NEDD9: variants seen among roughly 807,000 people sequenced by gnomAD.
The protein encoded by NEDD9 is enhancer of filamentation 1.
Under a neutral mutation model 76.6 loss-of-function variants are expected in NEDD9, and 26 were observed. That is an observed-to-expected ratio of 0.34 (90% CI 0.25 to 0.47). The LOEUF (loss-of-function observed/expected upper bound fraction) is 0.47. Among genes scored for constraint, NEDD9 ranks in the 20% least tolerant of loss-of-function variants. The probability of loss-of-function intolerance (pLI) is 1.00; values close to 1 mark genes in which losing one functional copy is unlikely to be tolerated. For synonymous variants in NEDD9, 392 were observed against 414.2 expected (o/e 0.95, Z 0.65); for missense variants, 937 against 1,058.5 (o/e 0.89, Z 1.59).
At chr6:11,304,886 C>T (rs1761139453) in intron 3 of NEDD9, among the ~76,000 whole-genome samples, 1 of 152,142 alleles carries the variant, frequency 6.6e-6, no homozygotes, top group African/African-American at 2.4e-5. Context: ...AGCAAACCCA[C>T]ATGGCACATG....
intron 2 of NEDD9, among the ~76,000 whole-genome samples, chr6:11,195,471 T>A (rs1202369183): frequency 6.8e-6 from 1 of 147,690 alleles, no homozygotes; most frequent in African/African-American, 2.5e-5. Flanking sequence ...TTTTTTTTTT[T>A]ACTCGCTATT....
intron 2 of NEDD9, chr6:11,199,829 G>A (rs894237726): frequency 2.5e-4 from 38 of 151,956 alleles, no homozygotes; most frequent in African/African-American, 8.3e-4. Context: ...GCCCGCCACC[G>A]TGCCCAGCTA....
At chr6:11,330,454 C>T (rs1444554856) in intron 2 of NEDD9, among the ~76,000 whole-genome samples, 1 of 152,050 alleles carries the variant, frequency 6.6e-6, no homozygotes, top group Non-Finnish European at 1.5e-5. Context: ...AGGGGGTAAG[C>T]TTGGGGAGGG....
At chr6:11,274,554 C>T (rs2113347336) in intron 3 of NEDD9, among the ~76,000 whole-genome samples, 2 of 152,338 alleles carry the variant, frequency 1.3e-5, no homozygotes, top group South Asian at 2.1e-4. Flanking sequence ...TAATCCACTT[C>T]TGGGCCTGCT....
intron 1 of NEDD9, among the ~76,000 whole-genome samples, chr6:11,228,443 T>C (rs1759372586): frequency 1.3e-5 from 2 of 151,970 alleles, no homozygotes; most frequent in African/African-American, 4.8e-5. Context: ...GACAGGAGAA[T>C]CACTTGAACC....
intron 1 of NEDD9, among the ~76,000 whole-genome samples, chr6:11,215,777 T>C (rs2113763186): frequency 6.6e-6 from 1 of 152,280 alleles, no homozygotes; most frequent in East Asian, 1.9e-4. Flanking sequence ...AGCTGAGGGT[T>C]GGTAGCTGTG....
At chr6:11,200,450 A>C (rs1354120568) in intron 2 of NEDD9, 1 of 884,652 alleles carries the variant, frequency 1.1e-6, no homozygotes, top group Non-Finnish European at 1.4e-6. Context: ...ACATACAATC[A>C]AAGATAAACA....
rs2327389 is a variant in NEDD9 at position 11,241,725 on chromosome 6, T to C, written c.13-27998A>G. 0.91 allele frequency among the ~76,000 whole-genome samples: 138,420 copies of C among 152,148 alleles called. 63,094 individuals carry two copies. The highest frequency in any genetic ancestry group is 0.96 in the African/African-American group (39,907 of 41,524). ...GGTTGGAGATGCATTTTCTCCCCCT[T>C]GTGCCTTAAAAGAGCCCAGCTGACC... On this transcript the variant is annotated intron_variant, in intron 3 of 3. Coordinates refer to the NEDD9 transcript ENST00000397378. The surrounding 1 kb of genome is among the most constrained non-coding windows in gnomAD (Gnocchi z 4.0).
In NEDD9 at chr6:11,213,289, C is replaced by A. The variant is rs1318413058; in HGVS notation, c.451G>T (p.Gly151Cys). The A allele has an allele frequency of 2.5e-6, 4 of 1,595,842 alleles. No individual in the cohort carries two copies. The highest frequency in any genetic ancestry group is 3.5e-5 in the Admixed American group (2 of 57,728). The part of the protein sequence containing the change: ...SIGGTSGPHV[G>C]KKVITPVRTG... ...GTTAGTCATTTACTCACCTTTTTAC[C>A]CACGTGGGGCCCACTGGTTCCCCCA... Residue 151 changes from glycine to cysteine, a missense_variant, in exon 2 of 7, where the codon GGT becomes TGT. Gly to Cys is a radical substitution (Grantham distance 159, BLOSUM62 -3). Coordinates refer to ENST00000379446, the MANE Select transcript of NEDD9 (RefSeq NM_006403.4). This position sits in a 1 kb window ranked among gnomAD's most constrained non-coding sequence, Gnocchi z 5.4.
chr6:11,228,611 ATTCT>A (rs1271819735), intron 1 of NEDD9, among the ~76,000 whole-genome samples: 9 of 46,608 alleles, frequency 1.9e-4, no homozygotes, highest in Non-Finnish European at 1.5e-4. Flanking sequence ...GAACCACTGA[ATTCT>A]GAGAACAGGG....
chr6:11,306,879 A>G (rs1761200735), intron 2 of NEDD9, among the ~76,000 whole-genome samples: 1 of 152,204 alleles, frequency 6.6e-6, no homozygotes, highest in Non-Finnish European at 1.5e-5. Context: ...TCGGTGAGTT[A>G]GTACTGGCCA....
At chr6:11,217,154 G>T (rs564554431) in intron 1 of NEDD9, among the ~76,000 whole-genome samples, 1 of 152,324 alleles carries the variant, frequency 6.6e-6, no homozygotes, top group South Asian at 2.1e-4. Context: ...TTGGTGCAAG[G>T]TTTCAGTAAG....
At chr6:11,331,837 A>G (rs928272379) in intron 2 of NEDD9, among the ~76,000 whole-genome samples, 10 of 152,254 alleles carry the variant, frequency 6.6e-5, no homozygotes, top group Admixed American at 5.2e-4. Flanking sequence ...AAACAGGCTG[A>G]GAAACACAAT....
At chr6:11,286,764 C>G (rs1760656863) in intron 3 of NEDD9, among the ~76,000 whole-genome samples, 1 of 152,056 alleles carries the variant, frequency 6.6e-6, no homozygotes. Flanking sequence ...CTGGAATATC[C>G]AAACTGATGT....
chr6:11,231,456 A>G (rs1759465867), intron 1 of NEDD9, among the ~76,000 whole-genome samples: 2 of 152,258 alleles, frequency 1.3e-5, no homozygotes, highest in African/African-American at 4.8e-5. Context: ...GACCAGAAAA[A>G]TTTAGAAAAA....
intron 3 of NEDD9, among the ~76,000 whole-genome samples, chr6:11,278,578 T>C (rs1034929002): frequency 2.6e-5 from 4 of 152,104 alleles, no homozygotes; most frequent in Non-Finnish European, 5.9e-5. Flanking sequence ...ATGCCAAAGG[T>C]TTATACACTA....
chr6:11,231,611 T>C (rs1759469989), intron 1 of NEDD9, among the ~76,000 whole-genome samples: 2 of 152,212 alleles, frequency 1.3e-5, no homozygotes, highest in Non-Finnish European at 2.9e-5. Context: ...TCATGTCTAT[T>C]CATCATTCAA....
intron 1 of NEDD9, among the ~76,000 whole-genome samples, chr6:11,339,394 G>A (rs1762228632): frequency 1.3e-5 from 2 of 152,172 alleles, no homozygotes; most frequent in Non-Finnish European, 2.9e-5. Context: ...GCCTGGATGA[G>A]GCTGAGCCTT....
intron 3 of NEDD9, among the ~76,000 whole-genome samples, chr6:11,284,290 T>C (rs1760598133): frequency 6.6e-6 from 1 of 150,874 alleles, no homozygotes; most frequent in South Asian, 2.1e-4. Context: ...TGTCAGTGGC[T>C]CACGCCTGTA....
Sources: gnomAD v4.1 joint callset for allele counts (sites outside exome capture counted in the v4.1 genomes callset) on GRCh38, gnomAD v4.1.1 for gene constraint, Gnocchi (gnomAD v3.1) non-coding constraint, MANE v1.5 for transcripts, NCBI Gene and HGNC (gene_info 2026-07-23, HGNC 2026-07-21) for gene names.